Variants in ST18 observed in about 807,000 individuals in gnomAD.
ST18 encodes suppression of tumorigenicity 18 protein.
A neutral mutation model predicts 110.0 loss-of-function variants in ST18; 50 were observed. The ratio of observed to expected loss-of-function variants is 0.45; its 90% CI spans 0.36 to 0.58. ST18 has a LOEUF of 0.58. Among genes scored for constraint, ST18 ranks in the 20% least tolerant of loss-of-function variants. The probability of loss-of-function intolerance (pLI) is 0.00; values close to 1 mark genes in which losing one functional copy is unlikely to be tolerated. For missense variants in ST18, 1,306 were observed against 1,280.1 expected (o/e 1.02, Z -0.31); for synonymous variants, 461 against 452.4 (o/e 1.02, Z -0.24).
intron 8 of ST18, among the ~76,000 whole-genome samples, chr8:52,197,510 A>G (rs1017141211): frequency 6.6e-6 from 1 of 152,224 alleles, no homozygotes; most frequent in Non-Finnish European, 1.5e-5. Context: ...CCAGGGCCAC[A>G]TATGTAAAAT....
chr8:52,378,206 A>G (rs910496969), intron 2 of ST18, among the ~76,000 whole-genome samples: 1 of 152,212 alleles, frequency 6.6e-6, no homozygotes, highest in Non-Finnish European at 1.5e-5. Flanking sequence ...GACTAGAGTC[A>G]ACAATAGTTT....
chr8:52,197,322 C>T (rs1250973886), intron 8 of ST18, among the ~76,000 whole-genome samples: 1 of 152,228 alleles, frequency 6.6e-6, no homozygotes, highest in East Asian at 1.9e-4. Flanking sequence ...AAAATTATCT[C>T]TGTAACACAT....
chr8:52,140,405 C>T (rs1048785489), intron 17 of ST18, among the ~76,000 whole-genome samples: 3 of 152,048 alleles, frequency 2.0e-5, no homozygotes, highest in African/African-American at 4.8e-5. Flanking sequence ...TGGTGGGCGC[C>T]TGTAATCCCA....
intron 2 of ST18, among the ~76,000 whole-genome samples, chr8:52,388,448 T>C (rs117247938): frequency 3.3e-5 from 5 of 152,162 alleles, no homozygotes; most frequent in East Asian, 1.9e-4. Context: ...GCCATATTTA[T>C]AGGAGCACGT....
At chr8:52,292,663 G>A (rs1200070245) in intron 2 of ST18, among the ~76,000 whole-genome samples, 2 of 152,166 alleles carry the variant, frequency 1.3e-5, no homozygotes, top group Non-Finnish European at 2.9e-5. Flanking sequence ...TGGGAATACC[G>A]AGGAAGCCAT....
At chr8:52,314,489 G>T (rs2095985750) in intron 2 of ST18, among the ~76,000 whole-genome samples, 1 of 152,196 alleles carries the variant, frequency 6.6e-6, no homozygotes, top group Non-Finnish European at 1.5e-5. Flanking sequence ...AAAGGCACTT[G>T]CCTTAAACTC....
At chr8:52,378,249 T>C (rs1833156995) in intron 2 of ST18, among the ~76,000 whole-genome samples, 1 of 152,168 alleles carries the variant, frequency 6.6e-6, no homozygotes, top group African/African-American at 2.4e-5. Context: ...AAAGAGTGAA[T>C]TGGAATGTTC....
chr8:52,387,201 G>T lies in ST18; in HGVS notation c.-465+22127C>A, dbSNP rs184296818. Among the ~76,000 whole-genome samples, 19 of 151,862 alleles carry T rather than the reference G, an allele frequency of 1.3e-4. 1 individual carries two copies. Among genetic ancestry groups the T allele is most frequent in the African/African-American group, 4.3e-4 (18 of 41,386 alleles). ...TGTCTCCAAACTGAGAAAGTCCAGA[G>T]ATTTTAAAATGTCAACTGATAATAG... On this transcript the variant is annotated intron_variant, in intron 2 of 25. Transcript: ENST00000689386.
At chr8:52,225,499 C>A (rs919289760) in intron 3 of ST18, among the ~76,000 whole-genome samples, 2 of 152,178 alleles carry the variant, frequency 1.3e-5, no homozygotes, top group Non-Finnish European at 2.9e-5. Flanking sequence ...TATTTATTAG[C>A]CCAGCTGATG....
intron 2 of ST18, among the ~76,000 whole-genome samples, chr8:52,292,694 T>C (rs991147059): frequency 1.3e-5 from 2 of 152,210 alleles, no homozygotes; most frequent in African/African-American, 2.4e-5. Flanking sequence ...TGTGTGTCTA[T>C]TGAGTTTAAT....
chr8:52,171,632 T>TG (rs2064995761), intron 10 of ST18, 160 bp downstream of exon 10: 1 of 810,922 alleles, frequency 1.2e-6, no homozygotes, highest in African/African-American at 1.7e-5. Flanking sequence ...ATCTAGAGAG[T>TG]GGGGGAAAAG....
intron 17 of ST18, among the ~76,000 whole-genome samples, chr8:52,139,464 T>C (rs1432523444): frequency 6.6e-6 from 1 of 152,154 alleles, no homozygotes; most frequent in Non-Finnish European, 1.5e-5. Flanking sequence ...CAAGCGATTC[T>C]CCTGCCTCAG....
chr8:52,119,459 G>T (rs930318019), intron 23 of ST18, among the ~76,000 whole-genome samples: 2 of 152,106 alleles, frequency 1.3e-5, no homozygotes, highest in African/African-American at 4.8e-5. Flanking sequence ...CATGAGAGAA[G>T]GATAAAGGGT....
intron 2 of ST18, among the ~76,000 whole-genome samples, chr8:52,249,121 G>A (rs553039742): frequency 3.3e-5 from 5 of 152,156 alleles, no homozygotes; most frequent in African/African-American, 1.2e-4. Context: ...TCAAATTCAA[G>A]TTCACTCGCA....
chr8:52,129,847 C>G (rs558748283), intron 22 of ST18, among the ~76,000 whole-genome samples: 5 of 151,924 alleles, frequency 3.3e-5, no homozygotes, highest in Non-Finnish European at 7.4e-5. Flanking sequence ...GAGTTCGAGA[C>G]CAGCCTGACC....
chr8:52,277,436 T>C (rs1026173678), intron 2 of ST18, among the ~76,000 whole-genome samples: 31 of 152,204 alleles, frequency 2.0e-4, no homozygotes, highest in Non-Finnish European at 3.7e-4. Context: ...GTAGTACTTT[T>C]CTCCACTTTC....
intron 8 of ST18, among the ~76,000 whole-genome samples, chr8:52,191,478 G>T (rs1029701657): frequency 6.6e-6 from 1 of 152,194 alleles, no homozygotes; most frequent in Non-Finnish European, 1.5e-5. Context: ...GAACAAGCAA[G>T]CCATATGAGC....
chr8:52,162,844 T>C (rs1026373438), intron 13 of ST18, among the ~76,000 whole-genome samples: 3 of 152,186 alleles, frequency 2.0e-5, no homozygotes, highest in African/African-American at 7.2e-5. Context: ...CACCAAAAAC[T>C]GTCAAACTCA....
intron 9 of ST18, 90 bp from the exon 10 acceptor site, chr8:52,172,673 A>G (rs573273846): frequency 1.0e-6 from 1 of 954,128 alleles, no homozygotes; most frequent in Non-Finnish European, 1.5e-6. Context: ...AAACATATGC[A>G]TTCACATACA....
Sources: allele counts gnomAD v4.1 joint callset (sites outside exome capture counted in the v4.1 genomes callset), GRCh38; gene constraint gnomAD v4.1.1; transcripts MANE v1.5; gene names NCBI Gene and HGNC (gene_info 2026-07-23, HGNC 2026-07-21).